PLEKHG1: variants seen among roughly 807,000 people sequenced by gnomAD.
The protein encoded by PLEKHG1 is pleckstrin homology domain-containing family G member 1.
In PLEKHG1, 44 loss-of-function variants were observed where a neutral mutation model predicts 100.8. The ratio of observed to expected loss-of-function variants is 0.44; its 90% CI spans 0.34 to 0.56. The LOEUF is 0.56. Among genes scored for constraint, PLEKHG1 ranks in the 20% least tolerant of loss-of-function variants. PLEKHG1 has a pLI of 0.01. For missense variants in PLEKHG1, 1,545 were observed against 1,720.9 expected (o/e 0.90, Z 1.81); for synonymous variants, 640 against 662.5 (o/e 0.97, Z 0.52).
chr6:150,702,979 G>A (rs1780860235), intron 3 of PLEKHG1, among the ~76,000 whole-genome samples: 1 of 152,138 alleles, frequency 6.6e-6, no homozygotes, highest in Non-Finnish European at 1.5e-5. Flanking sequence ...TGGTACCAAT[G>A]CTTCTCATTT....
intron 3 of PLEKHG1, among the ~76,000 whole-genome samples, chr6:150,772,033 C>T (rs1379755954): frequency 1.3e-5 from 2 of 152,178 alleles, no homozygotes; most frequent in Non-Finnish European, 2.9e-5. Context: ...GTTATATACC[C>T]TTCCCCAGTC....
intron 2 of PLEKHG1, among the ~76,000 whole-genome samples, chr6:150,646,920 A>G (rs991129237): frequency 2.0e-5 from 3 of 152,218 alleles, no homozygotes; most frequent in African/African-American, 7.2e-5. Flanking sequence ...TGGCATTATT[A>G]CAATTCGACA....
intron 1 of PLEKHG1, among the ~76,000 whole-genome samples, chr6:150,728,132 G>C (rs2128613824): frequency 6.6e-6 from 1 of 152,338 alleles, no homozygotes; most frequent in South Asian, 2.1e-4. Context: ...ACTTTGAGTT[G>C]TATGTATCTC....
chr6:150,632,496 G>A (rs116757641), intron 1 of PLEKHG1, among the ~76,000 whole-genome samples: 1,742 of 152,358 alleles, frequency 0.011, 39 homozygotes, highest in African/African-American at 0.04. Flanking sequence ...CCTGGGCAAG[G>A]TGGGCAGGTT....
At chr6:150,627,504 G>A (rs899134983) in intron 1 of PLEKHG1, among the ~76,000 whole-genome samples, 7 of 151,880 alleles carry the variant, frequency 4.6e-5, no homozygotes, top group Non-Finnish European at 1.5e-5. Flanking sequence ...AATAGCAGTG[G>A]CCTTTAAAAA....
intron 2 of PLEKHG1, among the ~76,000 whole-genome samples, chr6:150,738,133 C>T (rs1255909898): frequency 1.3e-5 from 2 of 152,040 alleles, no homozygotes; most frequent in East Asian, 3.9e-4. Context: ...TCTTTCCAAG[C>T]AAAAATAATT....
chr6:150,817,476 G>T (rs1328530234), intron 10 of PLEKHG1, among the ~76,000 whole-genome samples: 1 of 152,116 alleles, frequency 6.6e-6, no homozygotes, highest in Non-Finnish European at 1.5e-5. Context: ...GTCATGGTGA[G>T]GGCTGGTGAT....
intron 5 of PLEKHG1, among the ~76,000 whole-genome samples, chr6:150,799,596 A>T (rs554889711): frequency 6.6e-6 from 1 of 152,238 alleles, no homozygotes; most frequent in Admixed American, 6.5e-5. Context: ...GCCGATTCTG[A>T]CTCTAAAGAA....
rs531838818 is a variant in PLEKHG1 at position 150,600,186 on chromosome 6, TG to T, written c.-204+175del. ...CCTCCGCAGTGGGGACGGAGGGCCT[TG>T]GGGGGCGCCGAGCGGTGGGGACAGA... On this transcript the variant is annotated intron_variant, in intron 1 of 3. Transcript: ENST00000367326. The surrounding 1 kb of genome is among the most constrained non-coding windows in gnomAD (Gnocchi z 6.2). 6.6e-3 allele frequency among the ~76,000 whole-genome samples: 992 copies of T among 149,174 alleles called. 8 individuals carry two copies. Among genetic ancestry groups the T allele is most frequent in the African/African-American group, 0.023 (941 of 40,468 alleles).
intron 10 of PLEKHG1, 77 bp downstream of exon 11, chr6:150,809,811 G>A: frequency 1.0e-5 from 11 of 1,076,232 alleles, no homozygotes; most frequent in Non-Finnish European, 1.5e-5. Flanking sequence ...GGAGGTTACT[G>A]TGAGCCGAGA....
intron 1 of PLEKHG1, among the ~76,000 whole-genome samples, chr6:150,612,935 C>T (rs1263082194): frequency 6.6e-6 from 1 of 152,188 alleles, no homozygotes; most frequent in Non-Finnish European, 1.5e-5. Flanking sequence ...CCAGAGCAAT[C>T]GTTTCATATG....
At chr6:150,817,732 A>G (rs1032747752) in intron 10 of PLEKHG1, among the ~76,000 whole-genome samples, 8 of 151,606 alleles carry the variant, frequency 5.3e-5, no homozygotes, top group Non-Finnish European at 1.0e-4. Flanking sequence ...TAATCTTTGT[A>G]TTTTTAGTAG....
chr6:150,726,656 T>C (rs1781977637), intron 1 of PLEKHG1, among the ~76,000 whole-genome samples: 1 of 151,994 alleles, frequency 6.6e-6, no homozygotes, highest in Admixed American at 6.5e-5. Flanking sequence ...ATTAACAGGG[T>C]AACAAGATTT....
chr6:150,694,859 G>C (rs1780484166), intron 3 of PLEKHG1, among the ~76,000 whole-genome samples: 1 of 152,176 alleles, frequency 6.6e-6, no homozygotes, highest in African/African-American at 2.4e-5. Context: ...AACTGGAGCT[G>C]TAGTTCTTAG....
At chr6:150,706,794 T>C (rs1781025594) in intron 3 of PLEKHG1, among the ~76,000 whole-genome samples, 1 of 151,690 alleles carries the variant, frequency 6.6e-6, no homozygotes, top group Non-Finnish European at 1.5e-5. Flanking sequence ...ACTTTGAATA[T>C]AAAGAGACCA....
At chr6:150,675,178 G>C (rs1779715393) in intron 3 of PLEKHG1, among the ~76,000 whole-genome samples, 1 of 152,060 alleles carries the variant, frequency 6.6e-6, no homozygotes, top group South Asian at 2.1e-4. Context: ...GCATGAACAC[G>C]ATCATTTTTC....
chr6:150,718,368 C>T (rs1489532760), upstream of PLEKHG1, among the ~76,000 whole-genome samples: 2 of 152,086 alleles, frequency 1.3e-5, no homozygotes, highest in Admixed American at 1.3e-4. Context: ...GGGGAGAAAC[C>T]AGGGTCTTAA....
chr6:150,609,719 T>C (rs941545698), intron 1 of PLEKHG1, among the ~76,000 whole-genome samples: 1 of 152,080 alleles, frequency 6.6e-6, no homozygotes, highest in African/African-American at 2.4e-5. Flanking sequence ...TCATGGAAAG[T>C]TCTGGAAGCA....
intron 3 of PLEKHG1, 77 bp from the exon 5 acceptor site, chr6:150,786,313 A>T: frequency 2.1e-6 from 2 of 951,506 alleles, no homozygotes; most frequent in Non-Finnish European, 3.3e-6. Flanking sequence ...GGAAATGTTT[A>T]AACTTTTAAA....
Sources: gnomAD v4.1 joint callset for allele counts (sites outside exome capture counted in the v4.1 genomes callset) on GRCh38, gnomAD v4.1.1 for gene constraint, Gnocchi (gnomAD v3.1) non-coding constraint, MANE v1.5 for transcripts, NCBI Gene and HGNC (gene_info 2026-07-23, HGNC 2026-07-21) for gene names.